The following NDP variants were observed in gnomAD, a reference collection of about 807,000 sequenced individuals.
The protein encoded by NDP is norrin.
In NDP, 2 loss-of-function variants were observed where a neutral mutation model predicts 8.4. The ratio of observed to expected loss-of-function variants is 0.24; its 90% confidence interval spans 0.10 to 0.75. The LOEUF is 0.75. Among genes scored for constraint, NDP ranks in the 30% least tolerant of loss-of-function variants. NDP has a pLI of 0.73. For missense variants in NDP, 81 were observed against 110.1 expected, an observed-to-expected ratio of 0.74 and a Z score of 1.18; for synonymous variants, 55 against 45.6, an observed-to-expected ratio of 1.21 and a Z score of -0.83.
At chrX:43,965,734 C>G (rs2035854395) in intron 1 of NDP, among the ~76,000 whole-genome samples, 1 of 111,634 alleles carries the variant, frequency 9.0e-6, no homozygotes, top group Non-Finnish European at 1.9e-5. Context: ...CTCTGATACT[C>G]TGGTTCAGGA....
intron 2 of NDP, among the ~76,000 whole-genome samples, chrX:43,957,800 T>A (rs980400940): frequency 4.9e-5 from 5 of 101,694 alleles, no homozygotes; most frequent in Non-Finnish European, 1.0e-4. Context: ...AGATCTCGTA[T>A]GTTCCACCCT....
chrX:43,970,161 G>T (rs1359430796), intron 1 of NDP, among the ~76,000 whole-genome samples: 1 of 111,919 alleles, frequency 8.9e-6, no homozygotes, highest in Non-Finnish European at 1.9e-5. Context: ...AAGAGGAAAT[G>T]ACAGCTGATC....
At chrX:43,955,567 C>G (rs1160156402) in intron 2 of NDP, among the ~76,000 whole-genome samples, 1 of 112,666 alleles carries the variant, frequency 8.9e-6, no homozygotes, top group Non-Finnish European at 1.9e-5. Flanking sequence ...CCTGTTTGCT[C>G]TACAGCCTTT....
chrX:43,959,301 C>G (rs2035813206), intron 1 of NDP, among the ~76,000 whole-genome samples: 1 of 111,578 alleles, frequency 9.0e-6, no homozygotes, highest in Admixed American at 9.5e-5. Flanking sequence ...CTAATGAACA[C>G]AAGCCATGTC....
At chrX:43,965,055 T>C (rs2035849453) in intron 1 of NDP, among the ~76,000 whole-genome samples, 1 of 112,425 alleles carries the variant, frequency 8.9e-6, no homozygotes, top group African/African-American at 3.2e-5. Context: ...AAACAGCCGT[T>C]AATAACCATT....
At position 43,948,844 on chromosome X, in the gene NDP, A is replaced by G. The variant is rs1160577429; in HGVS notation, c.*955T>C. On this transcript the variant is annotated 3_prime_UTR_variant, in exon 3 of 3. Transcript: ENST00000642620. ...AAATTTGAGCCTCCAGGACCAAAAC[A>G]CATTTGAACCAAACGTTCAGAAGAC... 1.8e-5 allele frequency: 2 copies of G among 112,009 alleles called. No homozygotes were observed. Among genetic ancestry groups the G allele is most frequent in the African/African-American group, 6.5e-5 (2 of 30,824 alleles). The allele number at this position is 112,009 out of a possible 1,213,427, so 9.2% of individuals were successfully genotyped here.
chrX:43,961,805 G>A (rs1279893948), intron 1 of NDP, among the ~76,000 whole-genome samples: 1 of 111,288 alleles, frequency 9.0e-6, no homozygotes, highest in Non-Finnish European at 1.9e-5. Flanking sequence ...ATTACGGGAA[G>A]GCATGCTAGT....
At chrX:43,972,174 G>C (rs781095293) in intron 1 of NDP, among the ~76,000 whole-genome samples, 24 of 111,753 alleles carry the variant, frequency 2.1e-4, no homozygotes, top group African/African-American at 7.5e-4. Flanking sequence ...AGCCATATCT[G>C]TTATTAATGA....
At chrX:43,965,651 C>T (rs921739660) in intron 1 of NDP, among the ~76,000 whole-genome samples, 3 of 111,348 alleles carry the variant, frequency 2.7e-5, no homozygotes, top group Admixed American at 1.9e-4. Context: ...CACCCTCTTG[C>T]ACCTTTCTTT....
At chrX:43,954,971 G>A (rs1302795395) in intron 2 of NDP, among the ~76,000 whole-genome samples, 1 of 110,491 alleles carries the variant, frequency 9.1e-6, no homozygotes, top group Non-Finnish European at 1.9e-5. Context: ...CCCCTCCCTG[G>A]CCCAAGTCCA....
At chrX:43,954,239 G>A (rs1447142502) in intron 2 of NDP, among the ~76,000 whole-genome samples, 1 of 110,864 alleles carries the variant, frequency 9.0e-6, no homozygotes, top group Non-Finnish European at 1.9e-5. Context: ...CATCTTCAGG[G>A]ACCCAGGTCA....
At chrX:43,963,839 C>T (rs1341368728) in intron 1 of NDP, among the ~76,000 whole-genome samples, 5 of 112,545 alleles carry the variant, frequency 4.4e-5, no homozygotes, top group Middle Eastern at 4.6e-3. Context: ...GCATCCTGTG[C>T]GTTCAATGAA....
rs1395971751 is a variant in NDP, at chrX:43,948,933, C to T, written c.*866G>A. The T allele has an allele frequency of 1.8e-5, 2 of 111,720 alleles. No individual in the cohort carries two copies. Among genetic ancestry groups the T allele is most frequent in the Non-Finnish European group, 3.8e-5 (2 of 53,165 alleles). 9.2% of individuals were successfully genotyped at this position (111,720 alleles called of 1,213,427 possible). On this transcript the variant is annotated 3_prime_UTR_variant, in exon 3 of 3. Transcript: ENST00000642620. ...CAAGTGGATATTAGAGAATGATGCCCGTGACACGGCTAAAGCTATAGCACA... is the reference window on the plus strand; with the variant it reads ...CAAGTGGATATTAGAGAATGATGCCTGTGACACGGCTAAAGCTATAGCACA...
intron 1 of NDP, among the ~76,000 whole-genome samples, chrX:43,963,031 T>C (rs1449193848): frequency 1.8e-5 from 2 of 112,248 alleles, no homozygotes; most frequent in Non-Finnish European, 3.8e-5. Context: ...GCAAGTTATC[T>C]CAGCAACAGG....
At chrX:43,970,377 G>C (rs1387850563) in intron 1 of NDP, among the ~76,000 whole-genome samples, 2 of 112,230 alleles carry the variant, frequency 1.8e-5, no homozygotes, top group Non-Finnish European at 3.8e-5. Context: ...GGATGGGCTC[G>C]AAGGCCGCTG....
intron 2 of NDP, among the ~76,000 whole-genome samples, chrX:43,958,125 C>A (rs1365447988): frequency 9.0e-6 from 1 of 111,237 alleles, no homozygotes; most frequent in Non-Finnish European, 1.9e-5. Flanking sequence ...GCATTCTTTG[C>A]ATTCTCTTCC....
chrX:43,960,378 A>G (rs2035819929), intron 1 of NDP, among the ~76,000 whole-genome samples: 1 of 111,851 alleles, frequency 8.9e-6, no homozygotes, highest in Non-Finnish European at 1.9e-5. Flanking sequence ...ATAACTATGG[A>G]TTCAGTTACT....
At chrX:43,953,127 A>AAC (rs58114928) in intron 2 of NDP, among the ~76,000 whole-genome samples, 2,751 of 98,163 alleles carry the variant, frequency 0.028, 48 homozygotes, top group East Asian at 0.084. Flanking sequence ...TGATGTTCTC[A>AAC]ACACACACAC....
At chrX:43,959,254 C>T (rs988124016) in intron 1 of NDP, among the ~76,000 whole-genome samples, 2 of 111,587 alleles carry the variant, frequency 1.8e-5, no homozygotes, top group Admixed American at 9.5e-5. Flanking sequence ...TTGGTGTCAG[C>T]GTCAGCTTAC....
Sources: gnomAD v4.1 joint callset for allele counts (sites outside exome capture counted in the v4.1 genomes callset) on GRCh38, gnomAD v4.1.1 for gene constraint, MANE v1.5 for transcripts, NCBI Gene and HGNC (gene_info 2026-07-23, HGNC 2026-07-21) for gene names.